Variants in STK32A observed in about 807,000 individuals in gnomAD.
The protein encoded by STK32A is serine/threonine kinase 32A.
Under a neutral mutation model 53.2 loss-of-function variants are expected in STK32A, and 41 were observed. The observed-to-expected ratio is 0.77, with a 90% CI of 0.60 to 1.00. The LOEUF is 1.00. Among genes scored for constraint, STK32A ranks in the 50% least tolerant of loss-of-function variants. The pLI, the probability that STK32A is intolerant of heterozygous loss-of-function variation, is 0.00. For missense variants in STK32A, 458 were observed against 485.8 expected, an observed-to-expected ratio of 0.94 and a Z score of 0.54; for synonymous variants, 166 against 162.8, an observed-to-expected ratio of 1.02 and a Z score of -0.15.
intron 4 of STK32A, among the ~76,000 whole-genome samples, chr5:147,286,476 C>A (rs144566338): frequency 6.6e-6 from 1 of 152,242 alleles, no homozygotes; most frequent in African/African-American, 2.4e-5. Flanking sequence ...TTGGCTTACA[C>A]CCTGGTTTTT....
intron 7 of STK32A, among the ~76,000 whole-genome samples, chr5:147,353,659 C>T (rs1418961067): frequency 6.6e-6 from 1 of 152,084 alleles, no homozygotes; most frequent in Admixed American, 6.6e-5. Context: ...ACTCGGGAGG[C>T]TGAGGCAGGA....
the STK32A span, chr5:147,400,599 G>C: frequency 2.7e-6 from 4 of 1,500,544 alleles, no homozygotes; most frequent in East Asian, 4.6e-5. Context: ...ATCTGCACTC[G>C]CAGTGTCACC....
At chr5:147,279,157 G>A (rs996789525) in intron 3 of STK32A, 90 bp from the exon 4 acceptor site, 59 of 1,270,944 alleles carry the variant, frequency 4.6e-5, no homozygotes, top group Middle Eastern at 2.6e-4. Flanking sequence ...AAGGATCCAA[G>A]CCACAGCAAA....
chr5:147,366,139 C>T (rs1162566819), intron 8 of STK32A, among the ~76,000 whole-genome samples: 1 of 152,074 alleles, frequency 6.6e-6, no homozygotes, highest in African/African-American at 2.4e-5. Context: ...TGGCATTCTT[C>T]GGAATTAGGT....
At chr5:147,324,426 G>T (rs1416147726) in intron 5 of STK32A, among the ~76,000 whole-genome samples, 1 of 152,108 alleles carries the variant, frequency 6.6e-6, no homozygotes, top group African/African-American at 2.4e-5. Flanking sequence ...AGAATGAAAA[G>T]AAAGAAAGTT....
At chr5:147,262,331 C>T (rs1754610383) in intron 2 of STK32A, among the ~76,000 whole-genome samples, 1 of 151,946 alleles carries the variant, frequency 6.6e-6, no homozygotes, top group South Asian at 2.1e-4. Flanking sequence ...TATTATGATC[C>T]CCTTATTTGA....
chr5:147,242,514 C>G (rs536892344), intron 2 of STK32A, among the ~76,000 whole-genome samples: 28 of 152,254 alleles, frequency 1.8e-4, no homozygotes, highest in African/African-American at 6.3e-4. Flanking sequence ...GGTGAGGAGG[C>G]CACTTTAGAT....
At chr5:147,361,730 G>A in intron 8 of STK32A, 116 bp downstream of exon 8, 2 of 775,852 alleles carry the variant, frequency 2.6e-6, no homozygotes, top group South Asian at 1.6e-5. Context: ...AATCAGCTAT[G>A]CCATGTGATG....
intron 2 of STK32A, among the ~76,000 whole-genome samples, chr5:147,258,915 CT>C (rs774554908): frequency 8.0e-5 from 12 of 150,858 alleles, no homozygotes; most frequent in African/African-American, 2.2e-4. Context: ...GTATAGATGG[CT>C]TTTTTTTATT....
intron 5 of STK32A, among the ~76,000 whole-genome samples, chr5:147,335,824 CGT>C (rs1482779627): frequency 2.6e-5 from 4 of 151,944 alleles, no homozygotes; most frequent in African/African-American, 4.8e-5. Context: ...CATGCGTGCG[CGT>C]GTGTGCGCGC....
At chr5:147,299,029 G>A (rs935343279) in intron 4 of STK32A, among the ~76,000 whole-genome samples, 3 of 152,098 alleles carry the variant, frequency 2.0e-5, no homozygotes, top group Admixed American at 2.0e-4. Flanking sequence ...CCAAGAGAGG[G>A]TTCTTGGATC....
chr5:147,244,631 A>G (rs1430200349), intron 2 of STK32A, among the ~76,000 whole-genome samples: 3 of 152,224 alleles, frequency 2.0e-5, no homozygotes, highest in Admixed American at 2.0e-4. Flanking sequence ...ATTATCAGAC[A>G]CTGGAGTCAG....
intron 4 of STK32A, among the ~76,000 whole-genome samples, chr5:147,315,658 T>C (rs983595230): frequency 2.5e-4 from 38 of 152,210 alleles, no homozygotes; most frequent in Non-Finnish European, 4.9e-4. Context: ...GTGGTGATGG[T>C]TGTAGAACAT....
At chr5:147,370,006 C>T (rs1308435930) in intron 8 of STK32A, among the ~76,000 whole-genome samples, 1 of 152,072 alleles carries the variant, frequency 6.6e-6, no homozygotes, top group African/African-American at 2.4e-5. Context: ...TGTTTAATTT[C>T]TTTTCTTTTT....
intron 11 of STK32A, among the ~76,000 whole-genome samples, chr5:147,382,327 C>T (rs1248410834): frequency 6.6e-6 from 1 of 151,892 alleles, no homozygotes; most frequent in Non-Finnish European, 1.5e-5. Context: ...GTTTTGTTTG[C>T]ACATCATTTT....
At chr5:147,239,491 C>T in intron 1 of STK32A, 48 bp from the exon 2 acceptor site, 1 of 618,906 alleles carries the variant, frequency 1.6e-6, no homozygotes, top group Non-Finnish European at 2.8e-6. Flanking sequence ...ACTCAGGGTG[C>T]CTAGAGTATA....
chr5:147,271,544 G>C (rs7729053), intron 2 of STK32A, among the ~76,000 whole-genome samples: 99,553 of 152,018 alleles, frequency 0.65, 32,996 homozygotes, highest in African/African-American at 0.75. Context: ...GGAACAGAGC[G>C]ATATTTCTCT....
At chr5:147,299,821 A>C (rs1753044113) in intron 4 of STK32A, among the ~76,000 whole-genome samples, 1 of 152,226 alleles carries the variant, frequency 6.6e-6, no homozygotes, top group Non-Finnish European at 1.5e-5. Context: ...TTGATAGGCT[A>C]CACGTTATTC....
chr5:147,394,211 T>A, the STK32A span: 1 of 1,363,558 alleles, frequency 7.3e-7, no homozygotes, highest in Non-Finnish European at 1.0e-6. Flanking sequence ...GGGTTAATTT[T>A]AAGAGTGCAA....
Sources: gnomAD v4.1 joint callset for allele counts (sites outside exome capture counted in the v4.1 genomes callset) on GRCh38, gnomAD v4.1.1 for gene constraint, MANE v1.5 for transcripts, NCBI Gene and HGNC (gene_info 2026-07-23, HGNC 2026-07-21) for gene names.